The following SCYL2 variants were observed in gnomAD, a reference collection of about 807,000 sequenced individuals.
SCYL2 encodes SCY1 like pseudokinase 2, also known as SCY1-like protein 2.
Under a neutral mutation model 100.4 loss-of-function variants are expected in SCYL2, and 36 were observed. The observed-to-expected ratio is 0.36, with a 90% CI of 0.27 to 0.47. SCYL2 has a LOEUF of 0.47. SCYL2 is among the 20% of genes least tolerant of loss of function. The pLI, the probability that SCYL2 is intolerant of heterozygous loss-of-function variation, is 1.00. For missense variants in SCYL2, 902 were observed against 1,083.9 expected, an observed-to-expected ratio of 0.83 and a Z score of 2.36; for synonymous variants, 330 against 359.2, an observed-to-expected ratio of 0.92 and a Z score of 0.92.
chr12:100,309,133 T>TGTGTGTGCGC (rs1442815826), intron 4 of SCYL2, among the ~76,000 whole-genome samples: 1 of 150,016 alleles, frequency 6.7e-6, no homozygotes, highest in Non-Finnish European at 1.5e-5. Flanking sequence ...TGTGTGTGTG[T>TGTGTGTGCGC]GCGCGCGCGT....
intron 1 of SCYL2, among the ~76,000 whole-genome samples, chr12:100,281,585 G>A (rs1490815877): frequency 1.3e-5 from 2 of 152,142 alleles, no homozygotes; most frequent in African/African-American, 4.8e-5. Flanking sequence ...TGTAATCCCA[G>A]CACTTTGGGA....
chr12:100,338,784 T>G lies in SCYL2; in HGVS notation c.2402T>G (p.Val801Gly). 1 of 1,614,168 alleles carries G rather than the reference T, an allele frequency of 6.2e-7. No homozygotes were observed. Among genetic ancestry groups the G allele is most frequent in the Non-Finnish European group, 8.5e-7 (1 of 1,179,998 alleles). The change falls in exon 18 of 18, where the codon GTT (valine) becomes GGT (glycine). Residue 801 changes from valine (V) to glycine (G), a missense_variant. Coordinates refer to ENST00000360820, the MANE Select transcript of SCYL2 (RefSeq NM_017988.6). ...AACTTCTACAGTAGTCCAAGCACAG[T>G]TGGAGTGACCAAGATGACTCTGGGA... Reference protein sequence around the residue: ...NQNFYSSPSTVGVTKMTLGTP... With the variant: ...NQNFYSSPSTGGVTKMTLGTP...
rs1952312593 is a variant in SCYL2 at position 100,338,693 on chromosome 12, A to G, written c.2311A>G (p.Asn771Asp). ...PTDNTKRNLT[N>D]GLNANMGFQT... ...TGATAATACAAAGAGAAATTTGACAAATGGCCTAAATGCCAATATGGGCTT... is the reference window on the plus strand; with the variant it reads ...TGATAATACAAAGAGAAATTTGACAGATGGCCTAAATGCCAATATGGGCTT... Residue 771 changes from asparagine to aspartate, a missense_variant, in exon 18 of 18, where the codon AAT becomes GAT. Physicochemically the swap from Asn to Asp is conservative, Grantham distance 23. Transcript: ENST00000360820. 6.2e-7 allele frequency: 1 copy of G among 1,614,068 alleles called. No homozygotes were observed. The highest frequency in any genetic ancestry group is 8.5e-7 in the Non-Finnish European group (1 of 1,179,978).
At chr12:100,299,762 G>C (rs545847864) in intron 4 of SCYL2, among the ~76,000 whole-genome samples, 2 of 151,286 alleles carry the variant, frequency 1.3e-5, no homozygotes, top group East Asian at 3.9e-4. Flanking sequence ...CCATTTGCCT[G>C]TTCATAATAT....
chr12:100,312,368 C>A, intron 5 of SCYL2, 64 bp from the exon 6 acceptor site: 1 of 1,188,478 alleles, frequency 8.4e-7, no homozygotes, highest in Non-Finnish European at 1.2e-6. Flanking sequence ...AGATAGATTA[C>A]TACTGCTTGA....
chr12:100,316,077 T>C (rs192880444), intron 9 of SCYL2, among the ~76,000 whole-genome samples: 34 of 152,308 alleles, frequency 2.2e-4, no homozygotes, highest in Non-Finnish European at 4.3e-4. Flanking sequence ...TCTCTTGCAC[T>C]TTGAAGTATT....
Position 100,334,189 on chromosome 12 carries a change from A to G in SCYL2, c.1785A>G (p.Ile595Met). 1 of 1,600,394 alleles carries G rather than the reference A, an allele frequency of 6.2e-7. No homozygotes were observed. The highest frequency in any genetic ancestry group is 8.5e-7 in the Non-Finnish European group (1 of 1,170,836). The change falls in exon 14 of 18, where the codon ATA (isoleucine) becomes ATG (methionine). Residue 595 changes from isoleucine to methionine, a missense_variant. Coordinates refer to ENST00000360820, the MANE Select transcript of SCYL2 (RefSeq NM_017988.6). ...AGTTCAATTCTTTCATTTCCGTCAT[A>G]AAAGAAATGCTTAATAGATTGGAGT... is the stretch of plus-strand genomic sequence containing the variant. ...LNQFNSFISVIKEMLNRLESE... is the reference protein window; with the variant it reads ...LNQFNSFISVMKEMLNRLESE...
At chr12:100,335,502 G>A in intron 14 of SCYL2, 123 bp from the exon 15 acceptor site, 1 of 650,934 alleles carries the variant, frequency 1.5e-6, no homozygotes, top group South Asian at 2.3e-5. Flanking sequence ...TGGAAAAGAT[G>A]ACTCTTCTTA....
chr12:100,339,169 G>A lies in SCYL2; in HGVS notation c.2787G>A (p.Gly929=), dbSNP rs757905449. 3.1e-6 allele frequency: 5 copies of A among 1,610,768 alleles called. No individual in the cohort carries two copies. The highest frequency in any genetic ancestry group is 2.2e-5 in the South Asian group (2 of 90,592). Residue 929 remains glycine, a synonymous_variant, in exon 18 of 18, where the codon GGG becomes GGA. Transcript: ENST00000360820. ...GCAATGATTTAAAAGATCTTTTTGG[G>A]TGAGGTGTCTTACTTCTATTTTGAA... ...SASNDLKDLF[G]
At chr12:100,295,501 G>T (rs1192880247) in intron 3 of SCYL2, among the ~76,000 whole-genome samples, 1 of 152,098 alleles carries the variant, frequency 6.6e-6, no homozygotes, top group Non-Finnish European at 1.5e-5. Context: ...CTGGAGACCG[G>T]CCAGGCCAAC....
chr12:100,280,721 T>G (rs1210120667), intron 1 of SCYL2, among the ~76,000 whole-genome samples: 1 of 152,124 alleles, frequency 6.6e-6, no homozygotes, highest in African/African-American at 2.4e-5. Flanking sequence ...AAGGAAATGC[T>G]CTTTGGAGCA....
chr12:100,291,697 G>A lies in SCYL2; in HGVS notation c.335+37G>A, dbSNP rs1222754443. ...CAAAAACTTACATAGTAGACTTCCT[G>A]AACAAATAGTTAAAAATAATTTTAT... On this transcript the variant is annotated intron_variant, in intron 3 of 17. Coordinates refer to ENST00000360820, the MANE Select transcript of SCYL2 (RefSeq NM_017988.6). The A allele has an allele frequency of 6.0e-6, 9 of 1,512,346 alleles. No homozygotes were observed. In the South Asian group the frequency reaches 1.2e-4, roughly 20 times the overall value. The allele number at this position is 1,512,346 out of a possible 1,614,324, so 93.7% of individuals were successfully genotyped here.
chr12:100,332,060 C>G (rs1285311956), intron 13 of SCYL2, among the ~76,000 whole-genome samples: 1 of 152,100 alleles, frequency 6.6e-6, no homozygotes, highest in Non-Finnish European at 1.5e-5. Flanking sequence ...AAAGCAAAAT[C>G]AGGAAAGGGA....
At chr12:100,281,167 T>C (rs1056735768) in intron 1 of SCYL2, among the ~76,000 whole-genome samples, 50 of 151,794 alleles carry the variant, frequency 3.3e-4, no homozygotes, top group African/African-American at 1.2e-3. Flanking sequence ...TAGCTGGGAC[T>C]ACAGGCACAT....
At position 100,336,786 on chromosome 12, in the gene SCYL2, A is replaced by G. The variant is rs542183185; in HGVS notation, c.2026-601A>G. On this transcript the variant is annotated intron_variant, in intron 16 of 17. Transcript: ENST00000360820. Reference sequence around the variant, plus strand: ...GATACTTTTCTCTTGGTTAGCATCCAATAAAAAAACTTTAAGTCAGTTTGT... The same window carrying G: ...GATACTTTTCTCTTGGTTAGCATCCGATAAAAAAACTTTAAGTCAGTTTGT... Among the ~76,000 whole-genome samples the G allele has an allele frequency of 2.5e-4, 38 of 152,276 alleles. 2 individuals are homozygous for G. Among genetic ancestry groups the G allele is most frequent in the Admixed American group, 1.2e-3 (18 of 15,266 alleles).
chr12:100,337,605 T>C (rs1283711992), intron 17 of SCYL2, 99 bp downstream of exon 17: 3 of 1,142,556 alleles, frequency 2.6e-6, no homozygotes, highest in Non-Finnish European at 3.9e-6. Flanking sequence ...AAAATATATC[T>C]CAAATAATAC....
intron 10 of SCYL2, 102 bp downstream of exon 10, chr12:100,318,027 T>C (rs1317398628): frequency 9.8e-7 from 1 of 1,022,536 alleles, no homozygotes; most frequent in Non-Finnish European, 1.4e-6. Flanking sequence ...AATACATAAC[T>C]CAATAGTAAA....
At chr12:100,307,196 A>G (rs1419264250) in intron 4 of SCYL2, among the ~76,000 whole-genome samples, 1 of 152,212 alleles carries the variant, frequency 6.6e-6, no homozygotes, top group Non-Finnish European at 1.5e-5. Context: ...GACAAACCTA[A>G]GCAAAAAGAA....
At chr12:100,334,870 G>C (rs1041851832) in intron 14 of SCYL2, among the ~76,000 whole-genome samples, 4 of 151,724 alleles carry the variant, frequency 2.6e-5, no homozygotes, top group African/African-American at 9.7e-5. Flanking sequence ...CATGAATCTA[G>C]GATACCTATT....
Sources: gnomAD v4.1 joint callset for allele counts (sites outside exome capture counted in the v4.1 genomes callset) on GRCh38, gnomAD v4.1.1 for gene constraint, MANE v1.5 for transcripts, NCBI Gene and HGNC (gene_info 2026-07-23, HGNC 2026-07-21) for gene names.